Variants in U2SURP observed in about 807,000 individuals in gnomAD.
The protein encoded by U2SURP is U2 snRNP associated SURP domain containing.
A neutral mutation model predicts 144.9 loss-of-function variants in U2SURP; 9 were observed. The observed-to-expected ratio is 0.06, with a 90% confidence interval of 0.04 to 0.11. The LOEUF (loss-of-function observed/expected upper bound fraction) is 0.11. Among genes scored for constraint, U2SURP ranks in the 10% least tolerant of loss-of-function variants. The pLI, the probability that U2SURP is intolerant of heterozygous loss-of-function variation, is 1.00. For synonymous variants in U2SURP, 408 were observed against 396.8 expected (o/e 1.03, Z -0.33); for missense variants, 724 against 1,226.7 (o/e 0.59, Z 6.12).
At chr3:143,056,188 C>G in intron 27 of U2SURP, 124 bp from the exon 28 acceptor site, 2 of 994,558 alleles carry the variant, frequency 2.0e-6, no homozygotes, top group Non-Finnish European at 2.9e-6. Flanking sequence ...TTTAGAAGTT[C>G]ATAGTCTTAT....
intron 10 of U2SURP, 161 bp downstream of exon 10, chr3:143,021,716 ATTC>A: frequency 1.5e-6 from 1 of 662,564 alleles, no homozygotes; most frequent in Non-Finnish European, 2.6e-6. Context: ...CTTGCCACAT[ATTC>A]TTGTTTCCTC....
intron 16 of U2SURP, among the ~76,000 whole-genome samples, chr3:143,031,405 C>CAACCTTCAGCTACCACTGCCCT (rs1933474833): frequency 2.0e-5 from 1 of 48,802 alleles, no homozygotes; most frequent in African/African-American, 9.3e-5. Context: ...GCAGCCACCC[C>CAACCTTCAGCTACCACTGCCCT]AACCTTCAGC....
In U2SURP at chr3:143,056,486, G is replaced by A. The variant is rs780824150; in HGVS notation, c.*36G>A. 5.6e-6 allele frequency: 9 copies of A among 1,605,868 alleles called. No individual in the cohort carries two copies. The Admixed American group carries it at 1.2e-4, about 22-fold the overall frequency. On this transcript the variant is annotated 3_prime_UTR_variant, in exon 28 of 28. Transcript: ENST00000473835. ...TAAGATGCTGTCACTTATTGGAAAT[G>A]CGATTTGTTTTGTGCCTGAACGGTC...
Position 143,039,839 on chromosome 3 carries a change from G to A in U2SURP, c.2384+879G>A, listed in dbSNP as rs913366448. Among the ~76,000 whole-genome samples, 3 of 151,786 alleles carry A rather than the reference G, an allele frequency of 2.0e-5. No homozygotes were observed. In the East Asian group the frequency reaches 5.8e-4, roughly 29 times the overall value. On this transcript the variant is annotated intron_variant, in intron 23 of 27. Transcript: ENST00000473835. ...CTATAGAAACACAGTTTGATACGAT[G>A]GTGAAAACTTGTCTACAATGATGTT...
chr3:143,050,143 G>A (rs1934777183), intron 24 of U2SURP, among the ~76,000 whole-genome samples: 1 of 151,878 alleles, frequency 6.6e-6, no homozygotes, highest in African/African-American at 2.4e-5. Flanking sequence ...GTGCCATCTC[G>A]GCTCACCGCA....
At position 143,060,498 on chromosome 3, in the gene U2SURP, T is replaced by C. The variant is rs935497114; in HGVS notation, c.*4048T>C. On this transcript the variant is annotated 3_prime_UTR_variant, in exon 28 of 28. Transcript: ENST00000473835. ...AACAAAGGTTGTGAAATTTCCCTTT[T>C]GTTGTTTTTGACTTTTAATTAATAA... 5 of 151,974 alleles carry C rather than the reference T, an allele frequency of 3.3e-5. No homozygotes were observed. The highest frequency in any genetic ancestry group is 1.2e-4 in the African/African-American group (5 of 41,428). The allele number at this position is 151,974 out of a possible 1,614,324, so 9.4% of individuals were successfully genotyped here.
At chr3:143,045,244 C>T (rs1934365020) in intron 24 of U2SURP, among the ~76,000 whole-genome samples, 1 of 151,948 alleles carries the variant, frequency 6.6e-6, no homozygotes, top group Admixed American at 6.6e-5. Context: ...TGACGGGCAC[C>T]TGTAGTCCCC....
At chr3:143,010,947 A>G in intron 2 of U2SURP, 88 bp downstream of exon 2, 1 of 983,446 alleles carries the variant, frequency 1.0e-6, no homozygotes. Flanking sequence ...TTTACTTGAC[A>G]AATAAATACA....
intron 4 of U2SURP, among the ~76,000 whole-genome samples, chr3:143,014,703 A>G (rs1370599778): frequency 6.6e-6 from 1 of 152,082 alleles, no homozygotes; most frequent in Non-Finnish European, 1.5e-5. Context: ...CCCTTAGATT[A>G]ATGATAGCAT....
intron 12 of U2SURP, among the ~76,000 whole-genome samples, chr3:143,023,773 G>T: frequency 6.6e-6 from 1 of 152,094 alleles, no homozygotes; most frequent in East Asian, 1.9e-4. Flanking sequence ...CTTTGCATTT[G>T]GTGAACGTTT....
At chr3:143,041,138 T>C (rs149375677) in intron 23 of U2SURP, among the ~76,000 whole-genome samples, 1 of 152,054 alleles carries the variant, frequency 6.6e-6, no homozygotes, top group African/African-American at 2.4e-5. Flanking sequence ...TATTGTTTCA[T>C]AGTAACTGTG....
rs570761052 is a variant in U2SURP at position 143,059,993 on chromosome 3, G to A, written c.*3543G>A. On this transcript the variant is annotated 3_prime_UTR_variant, in exon 28 of 28. Transcript: ENST00000473835. ...ATATAAATAAGTACAAATCCCAGGGGAAGTGTTGTGATGCTAGACTAAAAG... is the reference window on the plus strand; with the variant it reads ...ATATAAATAAGTACAAATCCCAGGGAAAGTGTTGTGATGCTAGACTAAAAG... The A allele has an allele frequency of 3.9e-5, 6 of 152,506 alleles. No individual in the cohort carries two copies. In the South Asian group the frequency reaches 1.2e-3, roughly 32 times the overall value. The allele number at this position is 152,506 out of a possible 1,614,324, so 9.4% of individuals were successfully genotyped here. A position where few individuals can be genotyped will look rare whatever the true frequency, so the allele number is the denominator to read the frequency against.
chr3:143,048,777 G>T (rs1474208423), intron 24 of U2SURP, among the ~76,000 whole-genome samples: 1 of 152,092 alleles, frequency 6.6e-6, no homozygotes, highest in Non-Finnish European at 1.5e-5. Flanking sequence ...TGAGGCAGGA[G>T]AATTGCTTGA....
chr3:143,006,690 C>T (rs1365479008), intron 1 of U2SURP, among the ~76,000 whole-genome samples: 4 of 152,088 alleles, frequency 2.6e-5, no homozygotes, highest in Non-Finnish European at 4.4e-5. Context: ...TGCCGAGAGC[C>T]GAGATCATGC....
intron 16 of U2SURP, among the ~76,000 whole-genome samples, chr3:143,031,316 A>G (rs147390322): frequency 1.3e-5 from 2 of 149,198 alleles, no homozygotes; most frequent in East Asian, 1.9e-4. Flanking sequence ...TTAACAAACA[A>G]CAACTCATGC....
At chr3:143,045,666 C>T (rs1934395465) in intron 24 of U2SURP, among the ~76,000 whole-genome samples, 1 of 152,170 alleles carries the variant, frequency 6.6e-6, no homozygotes, top group Non-Finnish European at 1.5e-5. Flanking sequence ...CATACATTTC[C>T]ATACTTCATG....
At position 143,043,073 on chromosome 3, in the gene U2SURP, C is replaced by G. The variant is rs9871843; in HGVS notation, c.2385-44C>G. 14,113 of 1,535,272 alleles carry G rather than the reference C, an allele frequency of 9.2e-3. 622 individuals carry two copies. In the African/African-American group the frequency reaches 0.12, roughly 13 times the overall value. ...TAGGTAGACTGTAAAATATGGTACT[C>G]TCTTGCTGCCTTGACATACAATGTA... On this transcript the variant is annotated intron_variant, in intron 23 of 27. Coordinates refer to ENST00000473835, the MANE Select transcript of U2SURP (RefSeq NM_001080415.2).
intron 7 of U2SURP, 118 bp from the exon 8 acceptor site, chr3:143,020,481 C>T (rs951481941): frequency 7.1e-6 from 5 of 705,396 alleles, no homozygotes; most frequent in Non-Finnish European, 1.2e-5. Flanking sequence ...TTATCAGTAC[C>T]AGTATTTAAT....
chr3:143,049,914 G>T (rs1213583482), intron 24 of U2SURP, among the ~76,000 whole-genome samples: 1 of 152,042 alleles, frequency 6.6e-6, no homozygotes, highest in Non-Finnish European at 1.5e-5. Flanking sequence ...CAGTATATAA[G>T]TATATTACAT....
Sources: gnomAD v4.1 joint callset for allele counts (sites outside exome capture counted in the v4.1 genomes callset) on GRCh38, gnomAD v4.1.1 for gene constraint, MANE v1.5 for transcripts, NCBI Gene and HGNC (gene_info 2026-07-23, HGNC 2026-07-21) for gene names.